KIF6: variants seen among roughly 807,000 people sequenced by gnomAD.
KIF6 encodes the protein kinesin-like protein KIF6.
A neutral mutation model predicts 112.7 loss-of-function variants in KIF6; 106 were observed. The observed-to-expected ratio is 0.94, with a 90% CI of 0.80 to 1.11. The LOEUF is 1.11. Among genes scored for constraint, KIF6 ranks in the 50% least tolerant of loss-of-function variants. The pLI, the probability that KIF6 is intolerant of heterozygous loss-of-function variation, is 0.00. For missense variants in KIF6, 929 were observed against 964.0 expected (o/e 0.96, Z 0.48); for synonymous variants, 339 against 339.9 (o/e 1.00, Z 0.03).
intron 7 of KIF6, among the ~76,000 whole-genome samples, chr6:39,586,792 T>A (rs1781662280): frequency 6.6e-6 from 1 of 152,150 alleles, no homozygotes; most frequent in African/African-American, 2.4e-5. Flanking sequence ...AAGCAAGAAC[T>A]AAGGGAAACA....
chr6:39,476,597 AT>A, intron 13 of KIF6, among the ~76,000 whole-genome samples: 1 of 152,252 alleles, frequency 6.6e-6, no homozygotes, highest in Middle Eastern at 3.4e-3. Context: ...TGAGGGTCTT[AT>A]TTTATCTCTC....
At chr6:39,661,630 G>A (rs2150812900) in intron 3 of KIF6, among the ~76,000 whole-genome samples, 1 of 152,280 alleles carries the variant, frequency 6.6e-6, no homozygotes, top group East Asian at 1.9e-4. Context: ...GGAGTTAAAA[G>A]GGCATGCAGT....
chr6:39,416,523 T>A (rs1769934143), intron 15 of KIF6, among the ~76,000 whole-genome samples: 1 of 152,242 alleles, frequency 6.6e-6, no homozygotes, highest in Admixed American at 6.5e-5. Context: ...TCCTCCCATT[T>A]CTTATTTCAA....
rs899244884 is a variant in KIF6, at chr6:39,332,305, A to G, written c.*4227T>C. The stretch of plus-strand genomic sequence containing the variant: ...GGCCCATATTTTCCTGCTTCTTTGC[A>G]TGCCTGATTATTTTTTAATGGACAC... On this transcript the variant is annotated 3_prime_UTR_variant, in exon 23 of 23. Transcript: ENST00000287152. The G allele has an allele frequency of 6.6e-6, 1 of 151,866 alleles. No individual in the cohort carries two copies. Among genetic ancestry groups the G allele is most frequent in the African/African-American group, 2.4e-5 (1 of 41,272 alleles). The allele number at this position is 151,866 out of a possible 1,614,324, so 9.4% of individuals were successfully genotyped here.
chr6:39,715,028 T>C, intron 2 of KIF6: 1 of 304,510 alleles, frequency 3.3e-6, no homozygotes, highest in Non-Finnish European at 6.1e-6. Context: ...TTGAACCAAA[T>C]AACAAATTGT....
intron 6 of KIF6, among the ~76,000 whole-genome samples, chr6:39,598,605 G>A (rs1582235935): frequency 6.6e-6 from 1 of 151,390 alleles, no homozygotes; most frequent in Non-Finnish European, 1.5e-5. Flanking sequence ...GTGTGTGTGT[G>A]TATCTATATA....
chr6:39,649,720 TTAAAGAAA>T (rs1414410840), intron 3 of KIF6, among the ~76,000 whole-genome samples: 10 of 120,544 alleles, frequency 8.3e-5, no homozygotes, highest in Middle Eastern at 3.8e-3. Flanking sequence ...AACACTCTGA[TTAAAGAAA>T]GAAAGAAAGA....
chr6:39,337,172 C>CTTCCTTCCT (rs1554195076), intron 22 of KIF6, among the ~76,000 whole-genome samples: 1 of 59,504 alleles, frequency 1.7e-5, no homozygotes, highest in Non-Finnish European at 2.9e-5. Context: ...TCTTTCCTTC[C>CTTCCTTCCT]TTCTTTCTTT....
intron 9 of KIF6, among the ~76,000 whole-genome samples, chr6:39,581,169 T>C (rs569950082): frequency 2.9e-4 from 42 of 146,208 alleles, no homozygotes; most frequent in Admixed American, 2.0e-3. Context: ...TTCTTTTTTT[T>C]TTTTTTTTTT....
chr6:39,689,112 G>C (rs1488635935), intron 3 of KIF6, among the ~76,000 whole-genome samples: 1 of 151,446 alleles, frequency 6.6e-6, no homozygotes, highest in South Asian at 2.1e-4. Flanking sequence ...GTGAGACGCT[G>C]TCTGCAAAAA....
chr6:39,401,586 C>T lies in KIF6; in HGVS notation c.1811-15914G>A, dbSNP rs530316766. Among the ~76,000 whole-genome samples the T allele has an allele frequency of 4.6e-5, 7 of 152,228 alleles. No homozygotes were observed. In the South Asian group the frequency reaches 8.3e-4, roughly 18 times the overall value. The stretch of plus-strand genomic sequence containing the variant: ...GAGGGAGGGAGCTGGGGTACGTATA[C>T]ACCAACTGCCAACAGTCATTGATTG... On this transcript the variant is annotated intron_variant, in intron 15 of 22. Coordinates refer to ENST00000287152, the MANE Select transcript of KIF6 (RefSeq NM_145027.6).
At chr6:39,482,547 A>C (rs1774862590) in intron 13 of KIF6, among the ~76,000 whole-genome samples, 1 of 152,212 alleles carries the variant, frequency 6.6e-6, no homozygotes, top group Non-Finnish European at 1.5e-5. Flanking sequence ...ATTTCTTTTC[A>C]TATAACCTCA....
intron 7 of KIF6, among the ~76,000 whole-genome samples, chr6:39,589,722 A>C (rs185618955): frequency 2.0e-5 from 3 of 152,274 alleles, no homozygotes; most frequent in African/African-American, 7.2e-5. Flanking sequence ...AGGCAGTTGC[A>C]GGGAAGTTTC....
In KIF6 at chr6:39,365,025, C is replaced by T. The variant is rs371819226; in HGVS notation, c.1862-2507G>A. 5.9e-5 allele frequency among the ~76,000 whole-genome samples: 9 copies of T among 152,268 alleles called. No individual in the cohort carries two copies. In the East Asian group the frequency reaches 1.5e-3, roughly 26 times the overall value. ...GTTTCAGTGTGATTGTCCTTTTGATCCCAAAGGCAACACTTCACATTTATT... is the reference window on the plus strand; with the variant it reads ...GTTTCAGTGTGATTGTCCTTTTGATTCCAAAGGCAACACTTCACATTTATT... On this transcript the variant is annotated intron_variant, in intron 16 of 22. Transcript: ENST00000287152.
At chr6:39,362,590 G>T in intron 16 of KIF6, 72 bp from the exon 17 acceptor site, 1 of 1,182,724 alleles carries the variant, frequency 8.5e-7, no homozygotes, top group Non-Finnish European at 1.3e-6. Context: ...TTGGGCAGAT[G>T]ACAGAGTTCA....
intron 5 of KIF6, among the ~76,000 whole-genome samples, chr6:39,625,149 T>C (rs1436676687): frequency 6.6e-6 from 1 of 152,158 alleles, no homozygotes; most frequent in Admixed American, 6.6e-5. Context: ...CTTCCCAGCC[T>C]CCAGAACTGT....
In KIF6 at chr6:39,725,271, G is replaced by A; in HGVS notation, c.40C>T (p.Pro14Ser). 2 of 1,610,618 alleles carry A rather than the reference G, an allele frequency of 1.2e-6. No homozygotes were observed. The highest frequency in any genetic ancestry group is 8.5e-7 in the Non-Finnish European group (1 of 1,178,670). ...CCTTGTTGGTGCTTCCGGACAGGGG[G>A]CTTCACCCTCGCGAATATCTGGATA... ...QTIQIFARVK[P>S]PVRKHQQGIY... Residue 14 changes from proline to serine, a missense_variant, in exon 1 of 23, where the codon CCC becomes TCC. By Grantham distance (74) the Pro-to-Ser change is moderately conservative. Transcript: ENST00000287152.
intron 10 of KIF6, among the ~76,000 whole-genome samples, chr6:39,566,265 T>C (rs147463843): frequency 0.022 from 3,328 of 152,326 alleles, 61 homozygotes; most frequent in Non-Finnish European, 0.032. Flanking sequence ...CTTATATATA[T>C]TACATCATAT....
intron 9 of KIF6, among the ~76,000 whole-genome samples, chr6:39,583,715 T>G (rs1781438184): frequency 8.8e-6 from 1 of 113,308 alleles, no homozygotes. Flanking sequence ...TTTTTTACAG[T>G]GCAGATTACT....
Sources: gnomAD v4.1 joint callset for allele counts (sites outside exome capture counted in the v4.1 genomes callset) on GRCh38, gnomAD v4.1.1 for gene constraint, MANE v1.5 for transcripts, NCBI Gene and HGNC (gene_info 2026-07-23, HGNC 2026-07-21) for gene names.